The following FAM20B variants were observed in gnomAD, a reference collection of about 807,000 sequenced individuals.
The protein encoded by FAM20B is glycosaminoglycan xylosylkinase.
Under a neutral mutation model 43.8 loss-of-function variants are expected in FAM20B, and 23 were observed. That is an observed-to-expected ratio of 0.53 (90% CI 0.38 to 0.74). FAM20B has a LOEUF of 0.74. Among genes scored for constraint, FAM20B ranks in the 30% least tolerant of loss-of-function variants. The pLI is 0.00. For missense variants in FAM20B, 440 were observed against 510.5 expected, an observed-to-expected ratio of 0.86 and a Z score of 1.33; for synonymous variants, 178 against 192.4, an observed-to-expected ratio of 0.93 and a Z score of 0.62.
chr1:179,051,714 T>G (rs1237780535), intron 3 of FAM20B, among the ~76,000 whole-genome samples: 1 of 152,206 alleles, frequency 6.6e-6, no homozygotes, highest in Non-Finnish European at 1.5e-5. Flanking sequence ...TAGCCTGATC[T>G]TGGCTTACTG....
intron 1 of FAM20B, among the ~76,000 whole-genome samples, chr1:179,027,883 A>G (rs1649854093): frequency 6.6e-6 from 1 of 152,150 alleles, no homozygotes; most frequent in African/African-American, 2.4e-5. Flanking sequence ...CACTGCTTCT[A>G]TCATCTTTAT....
intron 2 of FAM20B, among the ~76,000 whole-genome samples, chr1:179,044,817 A>G (rs1260310952): frequency 6.6e-6 from 1 of 152,268 alleles, no homozygotes; most frequent in African/African-American, 2.4e-5. Flanking sequence ...GATAGATACC[A>G]GAAGCATAAT....
chr1:179,023,388 A>G (rs567755226), upstream of FAM20B, among the ~76,000 whole-genome samples: 1 of 152,350 alleles, frequency 6.6e-6, no homozygotes, highest in South Asian at 2.1e-4. Context: ...AACAAGGAAG[A>G]AGGGCAAAGA....
At position 179,053,479 on chromosome 1, in the gene FAM20B, C is replaced by T. The variant is rs946557343; in HGVS notation, c.465-1050C>T. On this transcript the variant is annotated intron_variant, in intron 3 of 7. Coordinates refer to ENST00000263733, the MANE Select transcript of FAM20B (RefSeq NM_014864.4). ...AACAAACAAACAAACAAAACACACA[C>T]AAAAAACCCTTCCCAACCTTTTCCA... 3.3e-5 allele frequency among the ~76,000 whole-genome samples: 5 copies of T among 152,048 alleles called. No individual in the cohort carries two copies. The East Asian group carries it at 9.6e-4, about 29-fold the overall frequency.
chr1:179,046,399 C>G (rs970344458), intron 2 of FAM20B, among the ~76,000 whole-genome samples: 4 of 152,182 alleles, frequency 2.6e-5, no homozygotes, highest in Non-Finnish European at 5.9e-5. Context: ...GCCTGTAATC[C>G]CAGCACTTTG....
the FAM20B span, among the ~76,000 whole-genome samples, chr1:179,020,154 T>TACACACACAC: frequency 2.7e-5 from 4 of 148,716 alleles, no homozygotes; most frequent in South Asian, 4.4e-4. Flanking sequence ...TGTGTGTGTA[T>TACACACACAC]ACACACACAC....
At chr1:179,064,596 A>G (rs1651614987) in intron 6 of FAM20B, 100 bp downstream of exon 6, 1 of 895,944 alleles carries the variant, frequency 1.1e-6, no homozygotes, top group Admixed American at 2.7e-5. Flanking sequence ...TGCAATTGAT[A>G]GGCAACATCC....
intron 1 of FAM20B, among the ~76,000 whole-genome samples, chr1:179,034,247 C>T (rs942395212): frequency 3.3e-5 from 5 of 152,280 alleles, no homozygotes; most frequent in African/African-American, 9.6e-5. Flanking sequence ...AGCTAGATCC[C>T]GTGAAAGTGG....
intron 1 of FAM20B, among the ~76,000 whole-genome samples, chr1:179,027,746 A>G (rs57601259): frequency 0.13 from 20,290 of 152,240 alleles, 1,696 homozygotes; most frequent in East Asian, 0.3. Flanking sequence ...AAAATGTGAC[A>G]TTGGTATGCT....
intron 7 of FAM20B, among the ~76,000 whole-genome samples, chr1:179,070,942 T>A (rs4297249): frequency 6.6e-6 from 1 of 151,848 alleles, no homozygotes; most frequent in South Asian, 2.1e-4. Context: ...ATGTATTTTG[T>A]AGGGGACAGA....
chr1:179,071,083 A>C (rs1420604837), intron 7 of FAM20B, among the ~76,000 whole-genome samples: 2 of 151,784 alleles, frequency 1.3e-5, no homozygotes, highest in African/African-American at 4.8e-5. Context: ...TCACGAGGTC[A>C]GGAGATCAAG....
intron 1 of FAM20B, among the ~76,000 whole-genome samples, chr1:179,034,989 T>G (rs896018228): frequency 6.6e-6 from 1 of 152,202 alleles, no homozygotes; most frequent in Non-Finnish European, 1.5e-5. Context: ...TTATTTCTTC[T>G]CTATGACCTC....
chr1:179,054,675 G>T, intron 4 of FAM20B, 37 bp downstream of exon 4: 1 of 1,295,362 alleles, frequency 7.7e-7, no homozygotes, highest in Non-Finnish European at 1.1e-6. Flanking sequence ...ATAGGGGAAT[G>T]ATTAATAAGT....
At chr1:179,034,384 T>TTCTC (rs138317999) in intron 1 of FAM20B, among the ~76,000 whole-genome samples, 11 of 151,016 alleles carry the variant, frequency 7.3e-5, no homozygotes, top group African/African-American at 1.5e-4. Flanking sequence ...CTCCACCTCT[T>TTCTC]TCTCTCTCTC....
chr1:179,051,243 TG>T (rs1424058456), intron 3 of FAM20B, among the ~76,000 whole-genome samples: 10 of 152,290 alleles, frequency 6.6e-5, no homozygotes, highest in African/African-American at 2.2e-4. Flanking sequence ...CTGAACTGTC[TG>T]GTATCCCAGT....
intron 1 of FAM20B, among the ~76,000 whole-genome samples, chr1:179,039,044 G>A (rs998199207): frequency 6.6e-6 from 1 of 152,222 alleles, no homozygotes; most frequent in Non-Finnish European, 1.5e-5. Context: ...GCAGTATCAC[G>A]TTTAAGTGGG....
intron 3 of FAM20B, among the ~76,000 whole-genome samples, chr1:179,053,548 C>T (rs1171463848): frequency 1.3e-5 from 2 of 152,200 alleles, no homozygotes; most frequent in Non-Finnish European, 2.9e-5. Context: ...GCTGTTTCTT[C>T]ATTACAGTCA....
At chr1:179,052,070 A>C (rs1651029990) in intron 3 of FAM20B, among the ~76,000 whole-genome samples, 1 of 152,268 alleles carries the variant, frequency 6.6e-6, no homozygotes, top group African/African-American at 2.4e-5. Flanking sequence ...TCTTGACTAA[A>C]TAAAATAATG....
the FAM20B span, among the ~76,000 whole-genome samples, chr1:179,019,933 A>T: frequency 1.3e-5 from 2 of 152,056 alleles, no homozygotes; most frequent in South Asian, 4.1e-4. Context: ...TATTTCACCC[A>T]TGGGCCCCAG....
Sources: allele counts gnomAD v4.1 joint callset (sites outside exome capture counted in the v4.1 genomes callset), GRCh38; gene constraint gnomAD v4.1.1; transcripts MANE v1.5; gene names NCBI Gene and HGNC (gene_info 2026-07-23, HGNC 2026-07-21).